The following NAXD variants were observed in gnomAD, a reference collection of about 807,000 sequenced individuals.
NAXD encodes ATP-dependent (S)-NAD(P)H-hydrate dehydratase.
Under a neutral mutation model 35.8 loss-of-function variants are expected in NAXD, and 22 were observed. That is an observed-to-expected ratio of 0.62 (90% CI 0.44 to 0.88). The LOEUF is 0.88. Ranked by LOEUF, NAXD falls within the 40% of genes least tolerant of loss-of-function variation. NAXD has a pLI of 0.00. For synonymous variants in NAXD, 189 were observed against 177.6 expected (o/e 1.06, Z -0.51); for missense variants, 428 against 437.7 (o/e 0.98, Z 0.20).
At chr13:110,631,269 A>G (rs1886686236) in intron 5 of NAXD, among the ~76,000 whole-genome samples, 1 of 152,226 alleles carries the variant, frequency 6.6e-6, no homozygotes, top group East Asian at 1.9e-4. Flanking sequence ...TAACAGCCAC[A>G]TCAGAATTTA....
At chr13:110,636,698 C>T (rs569833193) in intron 8 of NAXD, among the ~76,000 whole-genome samples, 6 of 152,332 alleles carry the variant, frequency 3.9e-5, no homozygotes, top group South Asian at 2.1e-4. Context: ...AGGCCTCGCT[C>T]GGTGTTGCCC....
chr13:110,624,028 C>G (rs1361953980), intron 2 of NAXD, among the ~76,000 whole-genome samples: 2 of 149,440 alleles, frequency 1.3e-5, no homozygotes, highest in Non-Finnish European at 3.0e-5. Context: ...AAAGACATTT[C>G]TAGTCGAACC....
At chr13:110,622,460 G>C (rs1052879390) in intron 2 of NAXD, 94 bp downstream of exon 2, 10 of 1,304,420 alleles carry the variant, frequency 7.7e-6, no homozygotes, top group Admixed American at 2.1e-5. Flanking sequence ...TTTGACCTCA[G>C]TAATCATTTC....
intron 5 of NAXD, among the ~76,000 whole-genome samples, chr13:110,632,315 C>G (rs563656811): frequency 9.3e-4 from 142 of 152,294 alleles, no homozygotes; most frequent in African/African-American, 3.1e-3. Context: ...ACTGTTACAG[C>G]TCATAAAAGC....
intron 8 of NAXD, 71 bp downstream of exon 8, chr13:110,635,659 C>T: frequency 2.6e-6 from 4 of 1,563,454 alleles, no homozygotes; most frequent in Non-Finnish European, 3.5e-6. Context: ...GAGCATGAGC[C>T]CTGGAAGACC....
Position 110,638,321 on chromosome 13 carries a change from G to A in NAXD, c.840-57G>A, listed in dbSNP as rs763387141. ...CAAAACCAGAGCCCAGGGTAGCTGC[G>A]GCCCCCGGACCACGACGCCCACTTC... On this transcript the variant is annotated intron_variant, in intron 9 of 9. Transcript: ENST00000680254. This position sits in a 1 kb window ranked among gnomAD's most constrained non-coding sequence, Gnocchi z 5.4. 5 of 1,612,542 alleles carry A rather than the reference G, an allele frequency of 3.1e-6. No individual in the cohort carries two copies. The highest frequency in any genetic ancestry group is 2.2e-5 in the East Asian group (1 of 44,842).
chr13:110,621,049 G>C (rs763210748), intron 1 of NAXD, among the ~76,000 whole-genome samples: 13 of 152,178 alleles, frequency 8.5e-5, no homozygotes, highest in Non-Finnish European at 1.6e-4. Flanking sequence ...GCTGTTTAGA[G>C]ACAACTCAAG....
intron 1 of NAXD, among the ~76,000 whole-genome samples, chr13:110,620,253 C>G (rs1033029283): frequency 6.6e-6 from 1 of 151,214 alleles, no homozygotes; most frequent in Non-Finnish European, 1.5e-5. Flanking sequence ...GATTCTGTGC[C>G]GGGTCTTGTG....
At chr13:110,633,116 GC>G (rs1487584101) in intron 5 of NAXD, among the ~76,000 whole-genome samples, 3 of 152,158 alleles carry the variant, frequency 2.0e-5, no homozygotes, top group Non-Finnish European at 4.4e-5. Context: ...CCGCACAGGA[GC>G]CCATGGAGGG....
chr13:110,621,416 C>T (rs117252668), intron 1 of NAXD, among the ~76,000 whole-genome samples: 2,944 of 152,330 alleles, frequency 0.019, 119 homozygotes, highest in Admixed American at 0.097. Context: ...CATATGTTGT[C>T]CTGGTGGGGT....
rs143155796 is a variant in NAXD at position 110,637,404 on chromosome 13, G to A, written c.839+155G>A. 2.6e-3 allele frequency among the ~76,000 whole-genome samples: 392 copies of A among 152,312 alleles called. 4 individuals are homozygous for A. Among genetic ancestry groups the A allele is most frequent in the African/African-American group, 9.2e-3 (383 of 41,570 alleles). ...TCGGCACAGACGAACCCTCTTGGCA[G>A]AAGCTTCCACCCCACACTTGGGCCT... On this transcript the variant is annotated intron_variant, in intron 9 of 9. Transcript: ENST00000680254.
chr13:110,615,652 G>T lies in NAXD; in HGVS notation c.46+5G>T. 6.6e-7 allele frequency: 1 copy of T among 1,509,346 alleles called. No individual in the cohort carries two copies. The highest frequency in any genetic ancestry group is 2.8e-5 in the East Asian group (1 of 35,654). The allele number at this position is 1,509,346 out of a possible 1,614,324, so 93.5% of individuals were successfully genotyped here. A position where few individuals can be genotyped will look rare whatever the true frequency, so the allele number is the denominator to read the frequency against. ...CAATCCGGGCTTGCAGACGAGGTAA[G>T]GTCGATTCCATTTGGCCCGGGGATG... On this transcript the variant is annotated splice_donor_5th_base_variant and intron_variant, in intron 1 of 9. Coordinates refer to ENST00000680254, the MANE Select transcript of NAXD (RefSeq NM_001242882.2).
At chr13:110,625,326 A>C in intron 4 of NAXD, 48 bp downstream of exon 4, 1 of 1,342,782 alleles carries the variant, frequency 7.4e-7, no homozygotes, top group Non-Finnish European at 1.1e-6. Flanking sequence ...TCCCTCCTGC[A>C]TCATTTGGGG....
rs576740648 is a variant in NAXD, at chr13:110,619,790, C to T, written c.47-2426C>T. ...CCCACGACAAAGACAGGATGCTGAT[C>T]GATACCCATAAATGTCTTTTTTTTT... On this transcript the variant is annotated intron_variant, in intron 1 of 9. Transcript: ENST00000680254. 6.6e-5 allele frequency among the ~76,000 whole-genome samples: 10 copies of T among 152,214 alleles called. No homozygotes were observed. The East Asian group carries it at 7.7e-4, about 12-fold the overall frequency.
intron 1 of NAXD, among the ~76,000 whole-genome samples, chr13:110,616,963 CCTCA>C (rs2139623050): frequency 6.6e-6 from 1 of 152,320 alleles, no homozygotes; most frequent in Non-Finnish European, 1.5e-5. Flanking sequence ...CTACACTGCA[CCTCA>C]CTCACACCAG....
chr13:110,630,887 C>T (rs1886673232), intron 5 of NAXD, among the ~76,000 whole-genome samples: 1 of 152,232 alleles, frequency 6.6e-6, no homozygotes, highest in Admixed American at 6.5e-5. Context: ...CCTGCAACTG[C>T]CCGGTCTTGA....
At chr13:110,624,326 T>G in intron 3 of NAXD, 47 bp downstream of exon 3, 1 of 1,164,628 alleles carries the variant, frequency 8.6e-7, no homozygotes, top group Non-Finnish European at 1.3e-6. Context: ...TGGTAGAGAG[T>G]TTGATTATTT....
At chr13:110,635,402 G>GGGCTA in intron 7 of NAXD, 66 bp from the exon 8 acceptor site, 2 of 1,577,080 alleles carry the variant, frequency 1.3e-6, no homozygotes, top group Non-Finnish European at 1.7e-6. Flanking sequence ...GGATGGGACA[G>GGGCTA]GGCTATCTGT....
In NAXD at chr13:110,627,439, T is replaced by G. The variant is rs1348204858; in HGVS notation, c.333T>G (p.Leu111=). The G allele has an allele frequency of 6.2e-7, 1 of 1,609,316 alleles. No individual in the cohort carries two copies. Among genetic ancestry groups the G allele is most frequent in the Non-Finnish European group, 8.5e-7 (1 of 1,176,046 alleles). The change falls in exon 5 of 10, where the codon CTT becomes CTG. Residue 111 remains leucine (L), a splice_region_variant and synonymous_variant. Transcript: ENST00000680254. ...TCCTGGCCTTCCTTTCCTTCTTTAG[T>G]GACAGCCCCAATGCTGTTCATGAGG... is the stretch of plus-strand genomic sequence containing the variant. ...YSPELIVHPV[L]DSPNAVHEVE...
Sources: gnomAD v4.1 joint callset for allele counts (sites outside exome capture counted in the v4.1 genomes callset) on GRCh38, gnomAD v4.1.1 for gene constraint, Gnocchi (gnomAD v3.1) non-coding constraint, MANE v1.5 for transcripts, NCBI Gene and HGNC (gene_info 2026-07-23, HGNC 2026-07-21) for gene names.